Variants in TFCP2 observed in about 807,000 individuals in gnomAD.
TFCP2 encodes the protein transcription factor CP2, also known as alpha-globin transcription factor CP2.
In TFCP2, 33 loss-of-function variants were observed where a neutral mutation model predicts 73.4. The ratio of observed to expected loss-of-function variants is 0.45; its 90% CI spans 0.34 to 0.60. The LOEUF (loss-of-function observed/expected upper bound fraction) is 0.60, where lower values mean the gene tolerates loss of function less well. Among genes scored for constraint, TFCP2 ranks in the 20% least tolerant of loss-of-function variants. The pLI is 0.01. For missense variants in TFCP2, 352 were observed against 604.0 expected (o/e 0.58, Z 4.37); for synonymous variants, 193 against 211.6 (o/e 0.91, Z 0.76).
intron 1 of TFCP2, among the ~76,000 whole-genome samples, chr12:51,133,010 C>T (rs1317782202): frequency 1.3e-5 from 2 of 152,006 alleles, no homozygotes; most frequent in African/African-American, 2.4e-5. Context: ...AGTTTTTGTG[C>T]GTGGTTTGTT....
At chr12:51,096,100 G>T in intron 13 of TFCP2, 60 bp from the exon 14 acceptor site, 1 of 1,410,360 alleles carries the variant, frequency 7.1e-7, no homozygotes, top group Non-Finnish European at 1.0e-6. Flanking sequence ...TTATATTCCT[G>T]TGTCCCTAAG....
chr12:51,153,588 C>T (rs1276028643), intron 1 of TFCP2, among the ~76,000 whole-genome samples: 1 of 152,122 alleles, frequency 6.6e-6, no homozygotes, highest in Non-Finnish European at 1.5e-5. Context: ...TGGTTAACCA[C>T]TATTCAACAT....
At chr12:51,097,468 GA>G (rs1939991821) in intron 13 of TFCP2, among the ~76,000 whole-genome samples, 1 of 150,982 alleles carries the variant, frequency 6.6e-6, no homozygotes, top group Admixed American at 6.6e-5. Flanking sequence ...CGATGGTCTT[GA>G]ACTTCTGACC....
At chr12:51,128,602 G>C (rs747179103) in intron 1 of TFCP2, among the ~76,000 whole-genome samples, 11 of 152,012 alleles carry the variant, frequency 7.2e-5, no homozygotes, top group Non-Finnish European at 1.5e-4. Flanking sequence ...TATAGTATCT[G>C]GATTTCAGCA....
intron 5 of TFCP2, among the ~76,000 whole-genome samples, chr12:51,110,182 C>G (rs921306214): frequency 6.6e-6 from 1 of 152,176 alleles, no homozygotes; most frequent in Non-Finnish European, 1.5e-5. Flanking sequence ...TAAGGATTTT[C>G]AAGGACTCTA....
At chr12:51,130,881 A>G (rs1592813669) in intron 1 of TFCP2, among the ~76,000 whole-genome samples, 2 of 151,184 alleles carry the variant, frequency 1.3e-5, no homozygotes. Context: ...CAGCTACTCG[A>G]GAGGCTGAGG....
At chr12:51,163,873 G>C (rs1941699443) in intron 1 of TFCP2, among the ~76,000 whole-genome samples, 1 of 152,026 alleles carries the variant, frequency 6.6e-6, no homozygotes, top group Non-Finnish European at 1.5e-5. Context: ...ACCAAAGGGA[G>C]GGAATAACAA....
chr12:51,125,067 T>A (rs1207704809), intron 1 of TFCP2: 1 of 753,796 alleles, frequency 1.3e-6, no homozygotes, highest in African/African-American at 1.7e-5. Context: ...CAGCACAGGC[T>A]CATCATAGTC....
intron 14 of TFCP2, among the ~76,000 whole-genome samples, chr12:51,095,538 G>C (rs551988128): frequency 3.3e-5 from 5 of 152,116 alleles, no homozygotes; most frequent in Non-Finnish European, 4.4e-5. Flanking sequence ...AGCTGGGCCA[G>C]GCACAGTGGC....
intron 1 of TFCP2, among the ~76,000 whole-genome samples, chr12:51,165,549 T>C (rs549930518): frequency 1.3e-4 from 19 of 150,776 alleles, no homozygotes; most frequent in Non-Finnish European, 1.8e-4. Context: ...GTTTTTAGAG[T>C]AGTCAAATTC....
At chr12:51,100,068 C>T (rs1224641965) in intron 11 of TFCP2, among the ~76,000 whole-genome samples, 1 of 152,068 alleles carries the variant, frequency 6.6e-6, no homozygotes, top group East Asian at 1.9e-4. Flanking sequence ...CACATGAAAA[C>T]AATCAGCCGT....
intron 1 of TFCP2, among the ~76,000 whole-genome samples, chr12:51,149,397 C>T (rs558997734): frequency 1.2e-4 from 18 of 151,910 alleles, no homozygotes; most frequent in Admixed American, 5.9e-4. Flanking sequence ...CCAAACACTA[C>T]CTGTTCCCCA....
At position 51,102,029 on chromosome 12, in the gene TFCP2, G is replaced by C; in HGVS notation, c.1061-4C>G. 6.3e-7 allele frequency: 1 copy of C among 1,593,488 alleles called. No individual in the cohort carries two copies. ...GTTAATTTCAATAAATCTGCCCCTG[G>C]AATAAATATAAGAAAATGGATGATA... On this transcript the variant is annotated splice_region_variant and splice_polypyrimidine_tract_variant and intron_variant, in intron 10 of 14. Transcript: ENST00000257915.
intron 1 of TFCP2, among the ~76,000 whole-genome samples, chr12:51,141,971 G>A (rs1288924126): frequency 2.0e-5 from 3 of 150,376 alleles, no homozygotes; most frequent in South Asian, 4.2e-4. Flanking sequence ...TTGGGAGGCC[G>A]AGGCGGGTGG....
chr12:51,130,667 A>C (rs570336244), intron 1 of TFCP2, among the ~76,000 whole-genome samples: 1 of 152,184 alleles, frequency 6.6e-6, no homozygotes, highest in East Asian at 1.9e-4. Context: ...TGGCTAAACT[A>C]ACTGGCTTAT....
chr12:51,118,129 G>A (rs888520824), intron 2 of TFCP2, among the ~76,000 whole-genome samples: 4 of 152,302 alleles, frequency 2.6e-5, no homozygotes, highest in South Asian at 4.1e-4. Flanking sequence ...ACTAAAAATG[G>A]ACAGCTAAGC....
At chr12:51,165,829 C>T (rs1025781130) in intron 1 of TFCP2, among the ~76,000 whole-genome samples, 5 of 152,144 alleles carry the variant, frequency 3.3e-5, no homozygotes, top group Admixed American at 6.5e-5. Context: ...TAGAAGGAAA[C>T]TTATTTAACA....
chr12:51,146,818 T>A (rs1392951924), intron 1 of TFCP2, among the ~76,000 whole-genome samples: 2 of 152,236 alleles, frequency 1.3e-5, no homozygotes, highest in African/African-American at 2.4e-5. Flanking sequence ...CCAGCCTGTA[T>A]CACATTTATT....
At chr12:51,134,943 T>C (rs1941028692) in intron 1 of TFCP2, among the ~76,000 whole-genome samples, 1 of 151,716 alleles carries the variant, frequency 6.6e-6, no homozygotes, top group Admixed American at 6.6e-5. Flanking sequence ...ACCTTGTCTC[T>C]AAAAAAAATT....
Sources: gnomAD v4.1 joint callset for allele counts (sites outside exome capture counted in the v4.1 genomes callset) on GRCh38, gnomAD v4.1.1 for gene constraint, MANE v1.5 for transcripts, NCBI Gene and HGNC (gene_info 2026-07-23, HGNC 2026-07-21) for gene names.